The following KPNA6 variants were observed in gnomAD, a reference collection of about 807,000 sequenced individuals.
The protein encoded by KPNA6 is karyopherin subunit alpha 6, also known as importin subunit alpha-7.
In KPNA6, 9 loss-of-function variants were observed where a neutral mutation model predicts 72.0. The ratio of observed to expected loss-of-function variants is 0.13; its 90% confidence interval spans 0.08 to 0.22. KPNA6 has a LOEUF of 0.22. Among genes scored for constraint, KPNA6 ranks in the 10% least tolerant of loss-of-function variants. KPNA6 has a pLI of 1.00. For synonymous variants in KPNA6, 219 were observed against 242.1 expected, an observed-to-expected ratio of 0.90 and a Z score of 0.89; for missense variants, 374 against 655.7, an observed-to-expected ratio of 0.57 and a Z score of 4.69.
At chr1:32,144,755 G>T (rs191310790) in intron 1 of KPNA6, among the ~76,000 whole-genome samples, 102 of 151,940 alleles carry the variant, frequency 6.7e-4, no homozygotes, top group African/African-American at 2.4e-3. Flanking sequence ...GGTACAAGCA[G>T]TTCTCCTGCG....
chr1:32,116,768 C>A (rs1157704358), intron 1 of KPNA6, among the ~76,000 whole-genome samples: 1 of 152,172 alleles, frequency 6.6e-6, no homozygotes, highest in Non-Finnish European at 1.5e-5. Context: ...TCATTTCTAG[C>A]TTTTGACTTA....
At chr1:32,117,317 C>T (rs1173001907) in intron 1 of KPNA6, among the ~76,000 whole-genome samples, 2 of 151,944 alleles carry the variant, frequency 1.3e-5, no homozygotes, top group South Asian at 2.1e-4. Flanking sequence ...GGACTACAGG[C>T]GCCTGCCACC....
intron 5 of KPNA6, 116 bp from the exon 6 acceptor site, chr1:32,159,284 G>A: frequency 1.9e-6 from 2 of 1,077,864 alleles, no homozygotes; most frequent in Non-Finnish European, 2.7e-6. Context: ...GTTTTGTGAG[G>A]TTTTGTTTTG....
rs189996923 is a variant in KPNA6, at chr1:32,123,774, G to A, written c.4+15640G>A. Among the ~76,000 whole-genome samples, 1,131 of 145,760 alleles carry A rather than the reference G, an allele frequency of 7.8e-3. 14 individuals are homozygous for A. Among genetic ancestry groups the A allele is most frequent in the Middle Eastern group, 0.033 (9 of 274 alleles). On this transcript the variant is annotated intron_variant, in intron 1 of 13. Transcript: ENST00000373625. ...AAAAAAAAAAGGCCAAGTGGCTCACGCCTGTAATCCCAGCACTCTGGGAGG... is the reference window on the plus strand; with the variant it reads ...AAAAAAAAAAGGCCAAGTGGCTCACACCTGTAATCCCAGCACTCTGGGAGG...
chr1:32,112,921 G>A (rs1641264653), intron 1 of KPNA6, among the ~76,000 whole-genome samples: 1 of 152,164 alleles, frequency 6.6e-6, no homozygotes, highest in Non-Finnish European at 1.5e-5. Flanking sequence ...GGTGGTGATT[G>A]TCTGGGGTGG....
At chr1:32,142,744 C>A (rs754648099) in intron 1 of KPNA6, among the ~76,000 whole-genome samples, 2 of 152,190 alleles carry the variant, frequency 1.3e-5, no homozygotes, top group Non-Finnish European at 2.9e-5. Flanking sequence ...TTAAAAAATT[C>A]ATCCACAGCA....
chr1:32,139,623 A>G (rs1283137493), intron 1 of KPNA6, among the ~76,000 whole-genome samples: 1 of 152,228 alleles, frequency 6.6e-6, no homozygotes, highest in African/African-American at 2.4e-5. Context: ...AAGAAAACTG[A>G]CCTAGTCTCT....
At chr1:32,150,917 G>A (rs573524216) in intron 1 of KPNA6, among the ~76,000 whole-genome samples, 1 of 151,990 alleles carries the variant, frequency 6.6e-6, no homozygotes, top group South Asian at 2.1e-4. Flanking sequence ...GAGCCACCAC[G>A]CCCCGGCTGT....
rs1642473426 is a variant in KPNA6 at position 32,173,452 on chromosome 1, T to C, written c.*2558T>C. On this transcript the variant is annotated 3_prime_UTR_variant, in exon 14 of 14. Transcript: ENST00000373625. ...AGTTTTCCCTAAGAACTCCAAAGGC[T>C]AAAGTCTACTAGGGGCAGAGTGTGA... is the stretch of plus-strand genomic sequence containing the variant. 4.6e-6 allele frequency: 1 copy of C among 217,510 alleles called. No homozygotes were observed. The highest frequency in any genetic ancestry group is 5.8e-5 in the Admixed American group (1 of 17,102). 13.5% of individuals were successfully genotyped at this position (217,510 alleles called of 1,614,324 possible). A position where few individuals can be genotyped will look rare whatever the true frequency, so the allele number is the denominator to read the frequency against.
At chr1:32,108,222 A>T (rs544747584) in intron 1 of KPNA6, 88 bp downstream of exon 1, 22 of 1,573,590 alleles carry the variant, frequency 1.4e-5, no homozygotes, top group Non-Finnish European at 1.9e-5. Context: ...CGGTCTGCGG[A>T]AGATGTCTGC....
intron 1 of KPNA6, among the ~76,000 whole-genome samples, chr1:32,130,653 G>A (rs996843299): frequency 2.0e-5 from 3 of 151,762 alleles, no homozygotes; most frequent in African/African-American, 7.3e-5. Flanking sequence ...GGGCATGGTG[G>A]TGCATGCCTG....
At chr1:32,126,397 T>A (rs941318715) in intron 1 of KPNA6, among the ~76,000 whole-genome samples, 1 of 151,504 alleles carries the variant, frequency 6.6e-6, no homozygotes, top group Non-Finnish European at 1.5e-5. Flanking sequence ...GTTTGTTTAT[T>A]TTTTGAGATG....
At position 32,169,965 on chromosome 1, in the gene KPNA6, A is replaced by G. The variant is rs765746124; in HGVS notation, c.1328A>G (p.Asn443Ser). The G allele has an allele frequency of 1.4e-5, 22 of 1,613,930 alleles. No homozygotes were observed. Among genetic ancestry groups the G allele is most frequent in the Non-Finnish European group, 1.7e-5 (20 of 1,180,010 alleles). The change falls in exon 13 of 14, where the codon AAT (asparagine) becomes AGT (serine). Residue 443 changes from asparagine (N) to serine (S), a missense_variant. Physicochemically the swap from Asn to Ser is conservative, Grantham distance 46. This residue lies in a region of KPNA6 where 34 missense variants were observed against 110.5 expected (regional missense o/e 0.31). Transcript: ENST00000373625. ...MDSKIVQVALNGLENILRLGE... is the reference protein window; with the variant it reads ...MDSKIVQVALSGLENILRLGE... Reference sequence around the variant, plus strand: ...TCGAAGATTGTGCAAGTGGCCCTCAATGGACTGGAGAACATCCTGCGGCTT... The same window carrying G: ...TCGAAGATTGTGCAAGTGGCCCTCAGTGGACTGGAGAACATCCTGCGGCTT...
chr1:32,160,618 G>A lies in KPNA6; in HGVS notation c.562G>A (p.Val188Ile). 6.2e-7 allele frequency: 1 copy of A among 1,613,692 alleles called. No homozygotes were observed. Among genetic ancestry groups the A allele is most frequent in the Non-Finnish European group, 8.5e-7 (1 of 1,179,616 alleles). The change falls in exon 7 of 14, where the codon GTC (valine) becomes ATC (isoleucine). Residue 188 changes from valine to isoleucine, a missense_variant. Physicochemically the swap from Val to Ile is conservative, Grantham distance 29. Around this residue, in one of 3 missense-constraint regions of KPNA6, gnomAD observed 298 missense variants for 495.4 expected, o/e 0.60. Transcript: ENST00000373625. ...AGTTTCATTATCCCCTTTTCAGGCAGTCTGGGCACTGGGAAACATAGCTGG... is the reference window on the plus strand; with the variant it reads ...AGTTTCATTATCCCCTTTTCAGGCAATCTGGGCACTGGGAAACATAGCTGG... ...SDFEDVQEQA[V>I]WALGNIAGDS...
intron 1 of KPNA6, among the ~76,000 whole-genome samples, chr1:32,111,814 C>T (rs1641247607): frequency 6.6e-6 from 1 of 152,162 alleles, no homozygotes; most frequent in Admixed American, 6.6e-5. Flanking sequence ...CTTAACAGAC[C>T]TTTGCAGTGA....
intron 1 of KPNA6, among the ~76,000 whole-genome samples, chr1:32,112,645 A>G (rs1641261143): frequency 6.6e-6 from 1 of 152,010 alleles, no homozygotes. Context: ...GGTGCCCACC[A>G]CCACACCCAG....
At chr1:32,161,735 G>A (rs1642241687) in intron 7 of KPNA6, among the ~76,000 whole-genome samples, 1 of 152,118 alleles carries the variant, frequency 6.6e-6, no homozygotes, top group Non-Finnish European at 1.5e-5. Flanking sequence ...ATTATCTATG[G>A]TATTAACTAG....
chr1:32,173,040 C>T lies in KPNA6; in HGVS notation c.*2146C>T. ...AAAAATCCCACCCATGTTGTACCACCTTGGTGAGTCATATGCCACTCATCA... is the reference window on the plus strand; with the variant it reads ...AAAAATCCCACCCATGTTGTACCACTTTGGTGAGTCATATGCCACTCATCA... On this transcript the variant is annotated 3_prime_UTR_variant, in exon 14 of 14. Transcript: ENST00000373625. 5.0e-6 allele frequency: 2 copies of T among 398,340 alleles called. No individual in the cohort carries two copies. The highest frequency in any genetic ancestry group is 3.6e-5 in the East Asian group (1 of 28,056). 24.7% of individuals were successfully genotyped at this position (398,340 alleles called of 1,614,324 possible).
At chr1:32,147,550 G>GT (rs952584709) in intron 1 of KPNA6, among the ~76,000 whole-genome samples, 1 of 151,082 alleles carries the variant, frequency 6.6e-6, no homozygotes, top group African/African-American at 2.4e-5. Flanking sequence ...GTCTGGCCTT[G>GT]TCCTCCCAAA....
Sources: allele counts gnomAD v4.1 joint callset (sites outside exome capture counted in the v4.1 genomes callset), GRCh38; gene constraint gnomAD v4.1.1; regional missense constraint gnomAD v4.1.1; transcripts MANE v1.5; gene names NCBI Gene and HGNC (gene_info 2026-07-23, HGNC 2026-07-21).